Variants in INSC observed in about 807,000 individuals in gnomAD.
INSC encodes protein inscuteable homolog.
Under a neutral mutation model 58.6 loss-of-function variants are expected in INSC, and 67 were observed. The observed-to-expected ratio is 1.14, with a 90% confidence interval of 0.94 to 1.40. INSC has a LOEUF of 1.40. INSC is among the 40% of genes most tolerant of loss of function. INSC has a pLI of 0.00. For missense variants in INSC, 714 were observed against 692.0 expected (o/e 1.03, Z -0.36); for synonymous variants, 262 against 276.1 (o/e 0.95, Z 0.51).
Position 15,246,114 on chromosome 11 carries a change from T to G in INSC, c.*74T>G. ...CTATGCACCAGTGAACACATCTGAGTACATACCAGCTCTCCTCATCTTCTT... is the reference window on the plus strand; with the variant it reads ...CTATGCACCAGTGAACACATCTGAGGACATACCAGCTCTCCTCATCTTCTT... On this transcript the variant is annotated 3_prime_UTR_variant, in exon 13 of 13. Coordinates refer to ENST00000379556, the MANE Select transcript of INSC (RefSeq NM_001042536.3). The G allele has an allele frequency of 6.6e-7, 1 of 1,512,664 alleles. No individual in the cohort carries two copies. Among genetic ancestry groups the G allele is most frequent in the Non-Finnish European group, 9.1e-7 (1 of 1,099,344 alleles). 93.7% of individuals were successfully genotyped at this position (1,512,664 alleles called of 1,614,324 possible).
the INSC span, among the ~76,000 whole-genome samples, chr11:15,266,610 C>A: frequency 6.6e-6 from 1 of 151,962 alleles, no homozygotes; most frequent in Non-Finnish European, 1.5e-5. Context: ...TTATGCACAT[C>A]TTTTTGGTAG....
intron 9 of INSC, among the ~76,000 whole-genome samples, chr11:15,227,026 AT>A (rs1227535654): frequency 6.6e-6 from 1 of 152,170 alleles, no homozygotes; most frequent in Non-Finnish European, 1.5e-5. Flanking sequence ...GTATCTAAGC[AT>A]TTGCGTATGA....
intron 6 of INSC, among the ~76,000 whole-genome samples, chr11:15,200,555 C>T (rs951866513): frequency 6.6e-6 from 1 of 152,044 alleles, no homozygotes; most frequent in African/African-American, 2.4e-5. Flanking sequence ...ATATGCCTGC[C>T]TTGGCCCCTG....
At chr11:15,236,560 T>A (rs992411818) in intron 10 of INSC, among the ~76,000 whole-genome samples, 5 of 152,186 alleles carry the variant, frequency 3.3e-5, no homozygotes, top group Admixed American at 3.3e-4. Context: ...GCTGAACATG[T>A]CACCAAGGTC....
At chr11:15,197,271 A>G (rs1850407258) in intron 6 of INSC, among the ~76,000 whole-genome samples, 1 of 152,218 alleles carries the variant, frequency 6.6e-6, no homozygotes, top group Non-Finnish European at 1.5e-5. Flanking sequence ...AGAGTGTTGA[A>G]GCAGAGAAAA....
intron 1 of INSC, among the ~76,000 whole-genome samples, chr11:15,146,478 A>G (rs1573540): frequency 0.03 from 4,587 of 152,300 alleles, 246 homozygotes; most frequent in African/African-American, 0.1. Context: ...CTGGGAACAC[A>G]AGAGATCACA....
At chr11:15,227,345 T>C (rs1020656628) in intron 9 of INSC, among the ~76,000 whole-genome samples, 3 of 152,156 alleles carry the variant, frequency 2.0e-5, no homozygotes, top group Non-Finnish European at 4.4e-5. Context: ...CATCTATTAA[T>C]TGGGACATGA....
chr11:15,205,202 C>T (rs994600812), intron 7 of INSC, among the ~76,000 whole-genome samples: 2 of 152,138 alleles, frequency 1.3e-5, no homozygotes, highest in Non-Finnish European at 2.9e-5. Context: ...ATAGCTAGAC[C>T]CTGTTTCTTA....
intron 10 of INSC, among the ~76,000 whole-genome samples, chr11:15,236,576 G>A (rs1360165442): frequency 6.6e-6 from 1 of 152,176 alleles, no homozygotes; most frequent in Non-Finnish European, 1.5e-5. Flanking sequence ...AGGTCCAGGT[G>A]GGGTGGGCCA....
intron 9 of INSC, among the ~76,000 whole-genome samples, chr11:15,226,754 C>G (rs1851655741): frequency 6.6e-6 from 1 of 152,210 alleles, no homozygotes; most frequent in African/African-American, 2.4e-5. Flanking sequence ...TTTCAGCCCT[C>G]TGGAATTGCC....
intron 2 of INSC, among the ~76,000 whole-genome samples, chr11:15,149,905 G>A (rs1222079642): frequency 2.0e-5 from 3 of 152,124 alleles, no homozygotes; most frequent in South Asian, 2.1e-4. Flanking sequence ...ACATGAAAAC[G>A]ATTTAGGAAT....
chr11:15,213,268 A>C (rs181100792), intron 7 of INSC, among the ~76,000 whole-genome samples: 28 of 152,198 alleles, frequency 1.8e-4, no homozygotes, highest in African/African-American at 6.5e-4. Flanking sequence ...TCAAAAAAAC[A>C]AAAACAAAAA....
At position 15,200,315 on chromosome 11, in the gene INSC, T is replaced by A. The variant is rs140105430; in HGVS notation, c.694-509T>A. 2.6e-5 allele frequency among the ~76,000 whole-genome samples: 4 copies of A among 152,262 alleles called. No homozygotes were observed. In the East Asian group the frequency reaches 7.8e-4, roughly 30 times the overall value. Reference sequence around the variant, plus strand: ...GTAGTACTAATATAAATGAAACATTTTTTTTGCCTGCCTCCTGCAGCAGTT... The same window carrying A: ...GTAGTACTAATATAAATGAAACATTATTTTTGCCTGCCTCCTGCAGCAGTT... On this transcript the variant is annotated intron_variant, in intron 6 of 12. Transcript: ENST00000379556.
At chr11:15,152,406 G>A (rs1294211568) in intron 2 of INSC, among the ~76,000 whole-genome samples, 1 of 152,196 alleles carries the variant, frequency 6.6e-6, no homozygotes, top group African/African-American at 2.4e-5. Flanking sequence ...GGCTGGGGCT[G>A]CTCCAACACT....
intron 2 of INSC, among the ~76,000 whole-genome samples, chr11:15,150,383 C>T (rs928588430): frequency 2.6e-5 from 4 of 152,222 alleles, no homozygotes; most frequent in African/African-American, 7.2e-5. Flanking sequence ...TGGGGAATAA[C>T]ACCATGGTTA....
chr11:15,123,667 A>T (rs1847925015), intron 1 of INSC, among the ~76,000 whole-genome samples: 2 of 152,162 alleles, frequency 1.3e-5, no homozygotes, highest in African/African-American at 4.8e-5. Context: ...TTCCCGGATG[A>T]TTCTAAGAAG....
At chr11:15,112,296 C>A, upstream of INSC, 1 of 486,724 alleles carries the variant, frequency 2.1e-6, no homozygotes, top group Non-Finnish European at 3.6e-6. Flanking sequence ...GGGGAGGAAG[C>A]TTCAACTCTG....
chr11:15,173,272 C>G (rs1849463414), intron 2 of INSC, among the ~76,000 whole-genome samples: 1 of 152,068 alleles, frequency 6.6e-6, no homozygotes, highest in African/African-American at 2.4e-5. Flanking sequence ...TGTGTATATA[C>G]TATGGTCATA....
At chr11:15,258,048 TAATAA>T in the INSC span, among the ~76,000 whole-genome samples, 1 of 152,216 alleles carries the variant, frequency 6.6e-6, no homozygotes, top group Non-Finnish European at 1.5e-5. Context: ...ATTTCATTAA[TAATAA>T]AATAAAAGAC....
Sources: allele counts gnomAD v4.1 joint callset (sites outside exome capture counted in the v4.1 genomes callset), GRCh38; gene constraint gnomAD v4.1.1; transcripts MANE v1.5; gene names NCBI Gene and HGNC (gene_info 2026-07-23, HGNC 2026-07-21).